The following ROBO2 variants were observed in gnomAD, a reference collection of about 807,000 sequenced individuals.
The protein encoded by ROBO2 is roundabout homolog 2.
ROBO2 carries 53 observed loss-of-function variants against 160.8 expected under a neutral mutation model. The ratio of observed to expected loss-of-function variants is 0.33; its 90% CI spans 0.26 to 0.41. ROBO2 has a LOEUF of 0.41. Among genes scored for constraint, ROBO2 ranks in the 10% least tolerant of loss-of-function variants. The probability of loss-of-function intolerance (pLI) is 1.00; values close to 1 mark genes in which losing one functional copy is unlikely to be tolerated. For synonymous variants in ROBO2, 664 were observed against 611.7 expected, an observed-to-expected ratio of 1.09 and a Z score of -1.26; for missense variants, 1,577 against 1,722.4, an observed-to-expected ratio of 0.92 and a Z score of 1.49.
intron 2 of ROBO2, among the ~76,000 whole-genome samples, chr3:76,151,667 C>A (rs1187381630): frequency 1.3e-5 from 2 of 152,204 alleles, no homozygotes; most frequent in African/African-American, 4.8e-5. Flanking sequence ...GCCTTCTGTT[C>A]TCTGTTGTAA....
chr3:76,759,940 A>G (rs1007440035), intron 2 of ROBO2, among the ~76,000 whole-genome samples: 1 of 151,820 alleles, frequency 6.6e-6, no homozygotes, highest in African/African-American at 2.4e-5. Flanking sequence ...ATCTCATCCT[A>G]GTCTCAGAAC....
intron 2 of ROBO2, among the ~76,000 whole-genome samples, chr3:77,203,348 T>G (rs2083096435): frequency 6.6e-6 from 1 of 152,000 alleles, no homozygotes; most frequent in Non-Finnish European, 1.5e-5. Flanking sequence ...TTCTTGGGGG[T>G]GGGGTACTGT....
chr3:76,947,487 G>T (rs745321462), intron 2 of ROBO2, among the ~76,000 whole-genome samples: 50 of 152,158 alleles, frequency 3.3e-4, no homozygotes, highest in Non-Finnish European at 5.3e-4. Flanking sequence ...TTATTTAAGA[G>T]ATTTTTCCTC....
At position 77,565,126 on chromosome 3, in the gene ROBO2, T is replaced by C; in HGVS notation, c.1849+6T>C. ...AGATCCTGTGCGCACACAAGGTACTTTCAACAGCTGTCAACAAGACTGGTT... is the reference window on the plus strand; with the variant it reads ...AGATCCTGTGCGCACACAAGGTACTCTCAACAGCTGTCAACAAGACTGGTT... On this transcript the variant is annotated splice_donor_region_variant and intron_variant, in intron 12 of 25. Coordinates refer to ENST00000461745, the Ensembl canonical transcript of ROBO2. 1 of 1,613,418 alleles carries C rather than the reference T, an allele frequency of 6.2e-7. No homozygotes were observed. Among genetic ancestry groups the C allele is most frequent in the Non-Finnish European group, 8.5e-7 (1 of 1,179,578 alleles).
At chr3:75,932,037 A>G (rs1947566920) in intron 1 of ROBO2, among the ~76,000 whole-genome samples, 1 of 152,160 alleles carries the variant, frequency 6.6e-6, no homozygotes, top group Non-Finnish European at 1.5e-5. Flanking sequence ...ATATTAATGA[A>G]TGAGATATGG....
At chr3:77,064,589 G>A (rs2066657390) in intron 1 of ROBO2, among the ~76,000 whole-genome samples, 1 of 146,714 alleles carries the variant, frequency 6.8e-6, no homozygotes, top group South Asian at 2.2e-4. Flanking sequence ...TTGAACTCCT[G>A]ACCTCAAATG....
At chr3:77,341,702 G>A (rs2153451353) in intron 2 of ROBO2, among the ~76,000 whole-genome samples, 1 of 152,232 alleles carries the variant, frequency 6.6e-6, no homozygotes, top group Admixed American at 6.5e-5. Context: ...TTGGAAAAGT[G>A]TAATACTCAT....
chr3:76,560,109 T>C (rs2084068416), intron 2 of ROBO2, among the ~76,000 whole-genome samples: 1 of 152,092 alleles, frequency 6.6e-6, no homozygotes, highest in African/African-American at 2.4e-5. Context: ...CCAGTTAAAA[T>C]AGATGTCTTT....
At chr3:77,383,888 A>G (rs1375052793) in intron 2 of ROBO2, among the ~76,000 whole-genome samples, 1 of 152,182 alleles carries the variant, frequency 6.6e-6, no homozygotes, top group African/African-American at 2.4e-5. Flanking sequence ...ATGATCTCAA[A>G]TAAACGGCTT....
At chr3:76,159,391 A>G (rs1396764026) in intron 2 of ROBO2, among the ~76,000 whole-genome samples, 1 of 152,184 alleles carries the variant, frequency 6.6e-6, no homozygotes, top group Non-Finnish European at 1.5e-5. Flanking sequence ...TATTACACCT[A>G]CTAACTCATT....
At position 76,948,731 on chromosome 3, in the gene ROBO2, G is replaced by A. The variant is rs2078728964; in HGVS notation, c.110-149283G>A. ...AATTTAATTTTTTTTTTTTGAGATG[G>A]AGTCTCATCCTGTTGCCAGGCTGGA... is the stretch of plus-strand genomic sequence containing the variant. On this transcript the variant is annotated intron_variant, in intron 2 of 26. Transcript: ENST00000487694. Among the ~76,000 whole-genome samples the A allele has an allele frequency of 4.2e-5, 6 of 143,884 alleles. No homozygotes were observed. In the South Asian group the frequency reaches 1.3e-3, roughly 31 times the overall value. The allele number at this position is 143,884 out of a possible 152,430, so 94.4% of individuals were successfully genotyped here.
intron 2 of ROBO2, among the ~76,000 whole-genome samples, chr3:76,070,855 A>G (rs6549831): frequency 0.65 from 98,716 of 151,992 alleles, 32,724 homozygotes; most frequent in African/African-American, 0.78. Context: ...CAGATTCCCC[A>G]ATAAAGAGGG....
At chr3:76,416,707 G>C (rs2075771298) in intron 2 of ROBO2, among the ~76,000 whole-genome samples, 1 of 152,120 alleles carries the variant, frequency 6.6e-6, no homozygotes, top group South Asian at 2.1e-4. Context: ...CAGAGCTTTA[G>C]ACGAAGTGAT....
At chr3:77,195,594 T>A (rs13086791) in intron 2 of ROBO2, among the ~76,000 whole-genome samples, 29,819 of 152,210 alleles carry the variant, frequency 0.2, 3,365 homozygotes, top group Middle Eastern at 0.31. Flanking sequence ...CAGCAAACAT[T>A]TTAAATCTGT....
intron 2 of ROBO2, among the ~76,000 whole-genome samples, chr3:76,421,178 A>G (rs906094449): frequency 6.6e-6 from 1 of 152,186 alleles, no homozygotes; most frequent in Admixed American, 6.5e-5. Flanking sequence ...AGCTCTACAC[A>G]TATTTTGGGA....
At chr3:76,393,783 T>C (rs1340749120) in intron 2 of ROBO2, among the ~76,000 whole-genome samples, 3 of 152,166 alleles carry the variant, frequency 2.0e-5, no homozygotes, top group African/African-American at 7.2e-5. Flanking sequence ...TTAGGACTCA[T>C]GTCAGTTCCT....
At chr3:77,200,609 C>T (rs2082818879) in intron 2 of ROBO2, among the ~76,000 whole-genome samples, 1 of 151,902 alleles carries the variant, frequency 6.6e-6, no homozygotes, top group Admixed American at 6.6e-5. Flanking sequence ...TACAGGCAGA[C>T]CAGCTGTTCT....
intron 2 of ROBO2, among the ~76,000 whole-genome samples, chr3:76,572,030 T>C (rs1345266291): frequency 6.6e-6 from 1 of 152,144 alleles, no homozygotes; most frequent in African/African-American, 2.4e-5. Flanking sequence ...CATATAAATG[T>C]TATAACACCT....
At chr3:77,607,888 C>T (rs1200862079) in exon 21 of ROBO2, 1 of 1,613,566 alleles carries the variant, frequency 6.2e-7, no homozygotes, top group Middle Eastern at 1.7e-4. Context: ...CCTCTACCTC[C>T]CCCCCCAGTC....
Sources: allele counts gnomAD v4.1 joint callset (sites outside exome capture counted in the v4.1 genomes callset), GRCh38; gene constraint gnomAD v4.1.1; transcripts MANE v1.5; gene names NCBI Gene and HGNC (gene_info 2026-07-23, HGNC 2026-07-21).